ERV3-1: variants seen among roughly 807,000 people sequenced by gnomAD.
ERV3-1 encodes endogenous retrovirus group 3 member 1, envelope.
In ERV3-1, 36 loss-of-function variants were observed where a neutral mutation model predicts 24.6. The ratio of observed to expected loss-of-function variants is 1.47; its 90% confidence interval spans 1.12 to 1.94. The LOEUF is 1.94. Ranked by LOEUF, ERV3-1 falls within the 30% of genes most tolerant of loss-of-function variation. The pLI, the probability that ERV3-1 is intolerant of heterozygous loss-of-function variation, is 0.00. For missense variants in ERV3-1, 578 were observed against 330.9 expected (o/e 1.75, Z -5.79); for synonymous variants, 211 against 122.6 (o/e 1.72, Z -4.76).
chr7:65,002,364 C>A (rs1315064751), intron 1 of ERV3-1, among the ~76,000 whole-genome samples: 3 of 152,198 alleles, frequency 2.0e-5, no homozygotes, highest in Admixed American at 2.0e-4. Context: ...CACTCTGTCG[C>A]CCAGACTAGA....
At chr7:64,999,431 C>T (rs73141516) in intron 1 of ERV3-1, among the ~76,000 whole-genome samples, 6,451 of 152,300 alleles carry the variant, frequency 0.042, 209 homozygotes, top group Middle Eastern at 0.068. Context: ...GATGAACATC[C>T]AAAGGCTGAG....
chr7:64,991,780 C>T lies in ERV3-1; in HGVS notation c.1247G>A (p.Gly416Asp), dbSNP rs148050363. ...TTGTGGCCCACAGATCCAGTAGAGG[C>T]CAGAGGGTGCCTGCCAGGTATTTGG... Reference protein sequence around the residue: ...EAPNTWQAPSGLYWICGPQAY... With the variant: ...EAPNTWQAPSDLYWICGPQAY... Residue 416 changes from glycine (G) to aspartate (D), a missense_variant, in exon 2 of 2, where the codon GGC (glycine) becomes GAC (aspartate). Physicochemically the swap from Gly to Asp is moderately conservative, Grantham distance 94. Transcript: ENST00000394323. The T allele has an allele frequency of 3.7e-4, 284 of 766,044 alleles. 1 individual carries two copies. The highest frequency in any genetic ancestry group is 3.2e-3 in the African/African-American group (191 of 59,212). 47.5% of individuals were successfully genotyped at this position (766,044 alleles called of 1,614,324 possible). A position where few individuals can be genotyped will look rare whatever the true frequency, so the allele number is the denominator to read the frequency against.
intron 1 of ERV3-1, among the ~76,000 whole-genome samples, chr7:64,999,774 T>G (rs773040595): frequency 1.3e-5 from 2 of 152,298 alleles, no homozygotes; most frequent in Non-Finnish European, 2.9e-5. Context: ...AAGGAGAACT[T>G]GTTTTTCTCA....
Position 64,991,299 on chromosome 7 carries a change from T to A in ERV3-1, c.1728A>T (p.Glu576Asp). ...TGATGACCTTTCCTTCGTCATCAAG[T>A]TCCAGGCAGCAGTTAGTAAGGTTGA... Reference protein sequence around the residue: ...GKFNLTNCCLELDDEGKVIKE... With the variant: ...GKFNLTNCCLDLDDEGKVIKE... Residue 576 changes from glutamate to aspartate, a missense_variant, in exon 2 of 2, where the codon GAA becomes GAT. Glu to Asp is a conservative substitution (Grantham distance 45, BLOSUM62 2). Transcript: ENST00000394323. 1 of 717,038 alleles carries A rather than the reference T, an allele frequency of 1.4e-6. No homozygotes were observed. The highest frequency in any genetic ancestry group is 2.6e-6 in the Non-Finnish European group (1 of 391,150). The allele number at this position is 717,038 out of a possible 1,614,324, so 44.4% of individuals were successfully genotyped here.
intron 1 of ERV3-1, chr7:65,004,953 T>C (rs1267918419): frequency 1.3e-5 from 2 of 151,974 alleles, no homozygotes; most frequent in Middle Eastern, 3.2e-3. Flanking sequence ...AGTAATTATT[T>C]GTTTTTCCCT....
At chr7:65,000,000 G>A (rs774442650) in intron 1 of ERV3-1, among the ~76,000 whole-genome samples, 21 of 152,098 alleles carry the variant, frequency 1.4e-4, no homozygotes, top group Admixed American at 2.0e-4. Context: ...GGCAATGACA[G>A]AACTAAAAAC....
chr7:65,006,424 C>CG, intron 1 of ERV3-1, 117 bp downstream of exon 1: 3 of 1,474,182 alleles, frequency 2.0e-6, no homozygotes, highest in Non-Finnish European at 2.8e-6. Context: ...AAGGAGAACT[C>CG]GGGGCCGCGG....
Position 64,990,400 on chromosome 7 carries a change from G to A in ERV3-1, c.*812C>T, listed in dbSNP as rs541935916. ...TTATTTAGGTGGCCACTGGCCCAGCGGATTAACATCCAAAGGCTGAGCCCT... is the reference window on the plus strand; with the variant it reads ...TTATTTAGGTGGCCACTGGCCCAGCAGATTAACATCCAAAGGCTGAGCCCT... On this transcript the variant is annotated 3_prime_UTR_variant, in exon 2 of 2. Coordinates refer to ENST00000394323, the MANE Select transcript of ERV3-1 (RefSeq NM_001007253.4). 59 of 185,196 alleles carry A rather than the reference G, an allele frequency of 3.2e-4. No individual in the cohort carries two copies. Among genetic ancestry groups the A allele is most frequent in the Middle Eastern group, 3.1e-3 (1 of 318 alleles). 11.5% of individuals were successfully genotyped at this position (185,196 alleles called of 1,614,324 possible). A position where few individuals can be genotyped will look rare whatever the true frequency, so the allele number is the denominator to read the frequency against.
At position 64,992,624 on chromosome 7, in the gene ERV3-1, C is replaced by T. The variant is rs377605592; in HGVS notation, c.403G>A (p.Val135Ile). The change falls in exon 2 of 2, where the codon GTA (valine) becomes ATA (isoleucine). Residue 135 changes from valine (V) to isoleucine (I), a missense_variant. By Grantham distance (29) the Val-to-Ile change is conservative. Transcript: ENST00000394323. ...QIVSMGSLFP[V>I]IFSSMEYYSS... ...TAGTACTCCATGGAACTGAAGATTA[C>T]GGGAAAGAGTGAGCCCATGGATACT... 37 of 766,320 alleles carry T rather than the reference C, an allele frequency of 4.8e-5. No individual in the cohort carries two copies. The highest frequency in any genetic ancestry group is 2.7e-4 in the East Asian group (11 of 41,222). The allele number at this position is 766,320 out of a possible 1,614,324, so 47.5% of individuals were successfully genotyped here. A position where few individuals can be genotyped will look rare whatever the true frequency, so the allele number is the denominator to read the frequency against.
At chr7:64,995,564 C>T (rs1242396821) in intron 1 of ERV3-1, among the ~76,000 whole-genome samples, 1 of 152,150 alleles carries the variant, frequency 6.6e-6, no homozygotes, top group African/African-American at 2.4e-5. Flanking sequence ...AATTTGGGAT[C>T]CAGATATGGC....
chr7:65,005,781 TAGAC>T (rs559690399), intron 1 of ERV3-1, among the ~76,000 whole-genome samples: 138 of 152,290 alleles, frequency 9.1e-4, no homozygotes, highest in Non-Finnish European at 1.8e-3. Flanking sequence ...GGCAGGCAAT[TAGAC>T]TGAGGTGGCT....
chr7:65,003,405 C>A (rs1168327414), intron 1 of ERV3-1, among the ~76,000 whole-genome samples: 2 of 152,166 alleles, frequency 1.3e-5, no homozygotes, highest in East Asian at 1.9e-4. Context: ...TTGCTGGAAC[C>A]AGGAGGCAGA....
chr7:65,000,270 T>C (rs1210774101), intron 1 of ERV3-1, among the ~76,000 whole-genome samples: 3 of 152,010 alleles, frequency 2.0e-5, no homozygotes, highest in Non-Finnish European at 4.4e-5. Context: ...TTGCCCAGGG[T>C]GGAGTGCAGT....
At chr7:64,999,970 A>G (rs1356862010) in intron 1 of ERV3-1, among the ~76,000 whole-genome samples, 1 of 152,200 alleles carries the variant, frequency 6.6e-6, no homozygotes, top group African/African-American at 2.4e-5. Context: ...ACTTAATTCA[A>G]CCATTGTGAA....
At chr7:64,998,276 GT>G (rs1562654912) in intron 1 of ERV3-1, among the ~76,000 whole-genome samples, 1 of 152,124 alleles carries the variant, frequency 6.6e-6, no homozygotes, top group African/African-American at 2.4e-5. Flanking sequence ...AGCTATGAGC[GT>G]TTTGCAATAA....
chr7:65,006,177 G>A (rs997285146), intron 1 of ERV3-1: 1 of 236,286 alleles, frequency 4.2e-6, no homozygotes, highest in Non-Finnish European at 8.3e-6. Context: ...GAACCCCGCA[G>A]ACCAAAGCTC....
In ERV3-1 at chr7:64,993,254, C is replaced by T. The variant is rs192145483; in HGVS notation, c.-228G>A. On this transcript the variant is annotated 5_prime_UTR_variant, in exon 2 of 2. Transcript: ENST00000394323. ...CAGCCGTGTGTGGACTGGTCAGCTT[C>T]CGGAGTGACCAGAGCAGGGCTGTTG... 1,911 of 527,084 alleles carry T rather than the reference C, an allele frequency of 3.6e-3. 12 individuals carry two copies. Among genetic ancestry groups the T allele is most frequent in the Non-Finnish European group, 4.9e-3 (1,446 of 294,456 alleles). 32.7% of individuals were successfully genotyped at this position (527,084 alleles called of 1,614,324 possible). A position where few individuals can be genotyped will look rare whatever the true frequency, so the allele number is the denominator to read the frequency against.
At position 64,993,430 on chromosome 7, in the gene ERV3-1, GA is replaced by G. The variant is rs1342567411; in HGVS notation, c.-388-17del. ...ATTCCTGCAACTTTAACAACAGTGG[GA>G]ATAGACAAGATTACAGTATGGAGCC... On this transcript the variant is annotated splice_polypyrimidine_tract_variant and intron_variant, in intron 1 of 1. Transcript: ENST00000394323. 3 of 177,382 alleles carry G rather than the reference GA, an allele frequency of 1.7e-5. No homozygotes were observed. Among genetic ancestry groups the G allele is most frequent in the Non-Finnish European group, 3.6e-5 (3 of 83,164 alleles). The allele number at this position is 177,382 out of a possible 1,614,324, so 11.0% of individuals were successfully genotyped here.
chr7:64,995,251 G>A (rs145000304), intron 1 of ERV3-1, among the ~76,000 whole-genome samples: 57 of 152,312 alleles, frequency 3.7e-4, no homozygotes, highest in Non-Finnish European at 7.2e-4. Context: ...CAATAGGGTG[G>A]TAGTGGCTAG....
Sources: allele counts gnomAD v4.1 joint callset (sites outside exome capture counted in the v4.1 genomes callset), GRCh38; gene constraint gnomAD v4.1.1; transcripts MANE v1.5; gene names NCBI Gene and HGNC (gene_info 2026-07-23, HGNC 2026-07-21).